SNX30: variants seen among roughly 807,000 people sequenced by gnomAD.
SNX30 encodes the protein sorting nexin-30.
Under a neutral mutation model 46.4 loss-of-function variants are expected in SNX30, and 24 were observed. The ratio of observed to expected loss-of-function variants is 0.52; its 90% confidence interval spans 0.37 to 0.73. SNX30 has a LOEUF of 0.73. SNX30 is among the 30% of genes least tolerant of loss of function. The probability of loss-of-function intolerance (pLI) is 0.00; values close to 1 mark genes in which losing one functional copy is unlikely to be tolerated. For synonymous variants in SNX30, 189 were observed against 211.5 expected (o/e 0.89, Z 0.92); for missense variants, 533 against 555.7 (o/e 0.96, Z 0.41).
At chr9:112,767,730 CA>C (rs1416619393) in intron 1 of SNX30, among the ~76,000 whole-genome samples, 9 of 152,134 alleles carry the variant, frequency 5.9e-5, no homozygotes, top group African/African-American at 2.2e-4. Context: ...GCTGGGACCA[CA>C]GGCTTATGCC....
chr9:112,804,708 C>A, intron 1 of SNX30, 68 bp from the exon 2 acceptor site: 1 of 1,403,184 alleles, frequency 7.1e-7, no homozygotes. Context: ...TTGGCTAAAC[C>A]AGCTGCTTTT....
chr9:112,769,605 T>C (rs558572563), intron 1 of SNX30, among the ~76,000 whole-genome samples: 43 of 152,236 alleles, frequency 2.8e-4, no homozygotes, highest in Non-Finnish European at 5.4e-4. Context: ...CCTTACTGGC[T>C]GTTCCTCCTC....
At chr9:112,784,066 C>G (rs1839884066) in intron 1 of SNX30, among the ~76,000 whole-genome samples, 1 of 152,128 alleles carries the variant, frequency 6.6e-6, no homozygotes, top group Admixed American at 6.5e-5. Flanking sequence ...CTGTAATTTA[C>G]CTGAATTGAA....
intron 5 of SNX30, among the ~76,000 whole-genome samples, 179 bp from the exon 6 acceptor site, chr9:112,838,319 G>T (rs10981519): frequency 0.17 from 26,518 of 152,202 alleles, 3,110 homozygotes; most frequent in African/African-American, 0.33. Flanking sequence ...GCTGTCAGAG[G>T]TTTTTAAGCA....
chr9:112,853,090 C>T (rs574949465), intron 7 of SNX30, among the ~76,000 whole-genome samples: 1 of 152,274 alleles, frequency 6.6e-6, no homozygotes, highest in East Asian at 1.9e-4. Flanking sequence ...GACAAATTGC[C>T]CAGCCTCTTT....
chr9:112,769,962 C>G (rs1045311791), intron 1 of SNX30, among the ~76,000 whole-genome samples: 3 of 151,998 alleles, frequency 2.0e-5, no homozygotes, highest in African/African-American at 4.8e-5. Context: ...AATACCATGT[C>G]CAGAATCTCA....
intron 1 of SNX30, among the ~76,000 whole-genome samples, chr9:112,772,343 C>T (rs1489120511): frequency 2.0e-5 from 3 of 152,186 alleles, no homozygotes; most frequent in Non-Finnish European, 4.4e-5. Context: ...CTTCACTCTT[C>T]TGCTGTAACC....
intron 1 of SNX30, among the ~76,000 whole-genome samples, chr9:112,793,230 G>A (rs915137498): frequency 6.6e-6 from 1 of 152,196 alleles, no homozygotes; most frequent in Admixed American, 6.5e-5. Context: ...GGCTTTCTCT[G>A]TGTTTTAGCT....
chr9:112,764,793 A>G (rs1403493257), intron 1 of SNX30, among the ~76,000 whole-genome samples: 2 of 152,232 alleles, frequency 1.3e-5, no homozygotes, highest in Non-Finnish European at 2.9e-5. Flanking sequence ...TTAACTTAGC[A>G]AAAAGGTGAG....
chr9:112,781,754 C>T (rs1839849897), intron 1 of SNX30, among the ~76,000 whole-genome samples: 1 of 151,944 alleles, frequency 6.6e-6, no homozygotes, highest in Non-Finnish European at 1.5e-5. Context: ...GCCTCAGCCT[C>T]CTGAGTAGCT....
intron 1 of SNX30, among the ~76,000 whole-genome samples, chr9:112,756,635 A>G (rs1370580290): frequency 2.0e-5 from 3 of 151,568 alleles, no homozygotes; most frequent in Non-Finnish European, 4.4e-5. Context: ...TAATTTTTGT[A>G]TTTTTAGTAG....
downstream of SNX30, chr9:112,878,822 G>T (rs1841544788): frequency 1.3e-5 from 2 of 152,160 alleles, no homozygotes; most frequent in South Asian, 4.1e-4. Context: ...CAAATACCTT[G>T]AATGTATTCT....
In SNX30 at chr9:112,844,063, G is replaced by A. The variant is rs573687776; in HGVS notation, c.1014+5366G>A. Among the ~76,000 whole-genome samples the A allele has an allele frequency of 2.2e-4, 33 of 152,288 alleles. No individual in the cohort carries two copies. In the East Asian group the frequency reaches 2.9e-3, roughly 13 times the overall value. Reference sequence around the variant, plus strand: ...GATGAGAGTGGTGATTGGGAAGGCCGTTCAGAAGGCTGTCACAGGGAGCCA... The same window carrying A: ...GATGAGAGTGGTGATTGGGAAGGCCATTCAGAAGGCTGTCACAGGGAGCCA... On this transcript the variant is annotated intron_variant, in intron 6 of 8. Transcript: ENST00000374232.
intron 8 of SNX30, among the ~76,000 whole-genome samples, chr9:112,865,661 ATGT>A (rs1841323048): frequency 9.5e-6 from 1 of 105,702 alleles, no homozygotes; most frequent in African/African-American, 3.8e-5. Context: ...ATATATATAT[ATGT>A]ATGTATGTAT....
intron 2 of SNX30, among the ~76,000 whole-genome samples, chr9:112,810,660 T>C (rs1422986515): frequency 2.6e-5 from 4 of 152,002 alleles, no homozygotes; most frequent in African/African-American, 9.7e-5. Context: ...AAGGAAACAT[T>C]GCTTGCTTAG....
At chr9:112,766,915 A>G (rs954615333) in intron 1 of SNX30, among the ~76,000 whole-genome samples, 1 of 152,220 alleles carries the variant, frequency 6.6e-6, no homozygotes, top group African/African-American at 2.4e-5. Flanking sequence ...GCTGCAATGA[A>G]CATGGTTATG....
chr9:112,817,401 C>CTGTTTTTTTTTTT (rs1840414391), intron 2 of SNX30, among the ~76,000 whole-genome samples: 2 of 46,832 alleles, frequency 4.3e-5, no homozygotes, highest in Non-Finnish European at 6.7e-5. Flanking sequence ...AAAAAACTGG[C>CTGTTTTTTTTTTT]TTTTTTTTTT....
chr9:112,825,069 T>G (rs1840561446), intron 3 of SNX30, among the ~76,000 whole-genome samples: 1 of 152,220 alleles, frequency 6.6e-6, no homozygotes, highest in Non-Finnish European at 1.5e-5. Flanking sequence ...AGATTTTGTT[T>G]GAGCACTTAT....
At chr9:112,853,196 A>G (rs1475177116) in intron 7 of SNX30, among the ~76,000 whole-genome samples, 2 of 152,234 alleles carry the variant, frequency 1.3e-5, no homozygotes, top group African/African-American at 4.8e-5. Context: ...GGCTGCATGT[A>G]TCTATGGAAA....
Sources: allele counts gnomAD v4.1 joint callset (sites outside exome capture counted in the v4.1 genomes callset), GRCh38; gene constraint gnomAD v4.1.1; transcripts MANE v1.5; gene names NCBI Gene and HGNC (gene_info 2026-07-23, HGNC 2026-07-21).